The following SH3D19 variants were observed in gnomAD, a reference collection of about 807,000 sequenced individuals.
SH3D19 encodes SH3 domain-containing protein 19.
In SH3D19, 58 loss-of-function variants were observed where a neutral mutation model predicts 112.1. That is an observed-to-expected ratio of 0.52 (90% CI 0.42 to 0.64). The LOEUF (loss-of-function observed/expected upper bound fraction) is 0.64, where lower values mean the gene tolerates loss of function less well. Among genes scored for constraint, SH3D19 ranks in the 30% least tolerant of loss-of-function variants. The pLI, the probability that SH3D19 is intolerant of heterozygous loss-of-function variation, is 0.00. For missense variants in SH3D19, 1,090 were observed against 1,263.4 expected (o/e 0.86, Z 2.08); for synonymous variants, 391 against 448.5 (o/e 0.87, Z 1.62).
intron 1 of SH3D19, among the ~76,000 whole-genome samples, chr4:151,292,272 C>A (rs968075599): frequency 6.6e-6 from 1 of 150,884 alleles, no homozygotes; most frequent in Non-Finnish European, 1.5e-5. Flanking sequence ...GCACTCCAGA[C>A]TGGGCAACAG....
chr4:151,237,856 G>T (rs1391124238), intron 1 of SH3D19, among the ~76,000 whole-genome samples: 1 of 151,982 alleles, frequency 6.6e-6, no homozygotes, highest in African/African-American at 2.4e-5. Flanking sequence ...TTTTATTACT[G>T]GTCAAGAGGA....
intron 11 of SH3D19, among the ~76,000 whole-genome samples, chr4:151,146,536 TG>T (rs1163610676): frequency 6.6e-6 from 1 of 152,170 alleles, no homozygotes; most frequent in African/African-American, 2.4e-5. Flanking sequence ...TTGTTGTTGT[TG>T]TTGTTTTGTT....
chr4:151,190,689 G>T (rs191737803), intron 2 of SH3D19, among the ~76,000 whole-genome samples: 1 of 152,210 alleles, frequency 6.6e-6, no homozygotes, highest in Admixed American at 6.5e-5. Flanking sequence ...GATTTCAGGG[G>T]ATTTATGGAA....
intron 1 of SH3D19, among the ~76,000 whole-genome samples, chr4:151,257,656 G>A (rs1486879876): frequency 6.6e-6 from 1 of 152,056 alleles, no homozygotes; most frequent in Non-Finnish European, 1.5e-5. Context: ...GTGGCTCAAG[G>A]CTGTAATCCT....
intron 1 of SH3D19, among the ~76,000 whole-genome samples, chr4:151,288,209 C>T (rs1370769880): frequency 1.3e-5 from 2 of 152,120 alleles, no homozygotes; most frequent in African/African-American, 4.8e-5. Context: ...GCCATAAGGT[C>T]AGGAAAGAGA....
intron 19 of SH3D19, among the ~76,000 whole-genome samples, chr4:151,124,813 C>T (rs531045151): frequency 1.1e-4 from 16 of 152,126 alleles, no homozygotes; most frequent in African/African-American, 3.6e-4. Context: ...ACAACAATAA[C>T]AACAACAATT....
intron 1 of SH3D19, among the ~76,000 whole-genome samples, chr4:151,320,052 A>G (rs1236428484): frequency 6.6e-6 from 1 of 152,198 alleles, no homozygotes; most frequent in Non-Finnish European, 1.5e-5. Context: ...AATAATACCT[A>G]CCTCACAGGT....
At chr4:151,285,561 A>G (rs1284947055) in intron 1 of SH3D19, among the ~76,000 whole-genome samples, 2 of 152,222 alleles carry the variant, frequency 1.3e-5, no homozygotes, top group Admixed American at 1.3e-4. Context: ...AAGCAGCTAA[A>G]GCAGTGCTTA....
Position 151,148,191 on chromosome 4 carries a change from A to G in SH3D19, c.1818-5T>C. ...ATGGTTTTTCCATTCACAGGTCTGA[A>G]AGTCAATGTAGTAGCCATGAGTCAG... On this transcript the variant is annotated splice_polypyrimidine_tract_variant and splice_region_variant and intron_variant, in intron 10 of 19. Transcript: ENST00000604030. 1 of 1,593,048 alleles carries G rather than the reference A, an allele frequency of 6.3e-7. No homozygotes were observed. The highest frequency in any genetic ancestry group is 8.5e-7 in the Non-Finnish European group (1 of 1,172,362).
At chr4:151,319,877 C>G (rs577362326) in intron 1 of SH3D19, among the ~76,000 whole-genome samples, 1 of 152,336 alleles carries the variant, frequency 6.6e-6, no homozygotes, top group South Asian at 2.1e-4. Flanking sequence ...TCAATAGTAA[C>G]TGACTTATAT....
At chr4:151,237,843 C>T (rs1194901211) in intron 1 of SH3D19, among the ~76,000 whole-genome samples, 2 of 152,058 alleles carry the variant, frequency 1.3e-5, no homozygotes, top group Admixed American at 6.5e-5. Flanking sequence ...CAGGATTTTT[C>T]TTTTTTATTA....
At chr4:151,206,430 C>T (rs948118483) in intron 2 of SH3D19, among the ~76,000 whole-genome samples, 2 of 152,172 alleles carry the variant, frequency 1.3e-5, no homozygotes, top group African/African-American at 4.8e-5. Context: ...ACAAGCAATA[C>T]ACTTCCCTCT....
chr4:151,261,729 T>C (rs542434215), intron 1 of SH3D19, among the ~76,000 whole-genome samples: 36 of 152,368 alleles, frequency 2.4e-4, no homozygotes, highest in African/African-American at 7.5e-4. Flanking sequence ...TATTGATACC[T>C]GCTTTTGTTC....
At chr4:151,170,931 C>T (rs2149817427) in intron 7 of SH3D19, 1 of 152,268 alleles carries the variant, frequency 6.6e-6, no homozygotes, top group East Asian at 1.9e-4. Context: ...TTAACACAAA[C>T]AATAGCTAAA....
intron 10 of SH3D19, 90 bp from the exon 11 acceptor site, chr4:151,148,276 C>G (rs374460189): frequency 2.8e-4 from 178 of 638,574 alleles, no homozygotes; most frequent in Non-Finnish European, 3.6e-4. Flanking sequence ...CACACACACA[C>G]ACACACACAC....
At chr4:151,293,366 G>A (rs1057227560) in intron 1 of SH3D19, among the ~76,000 whole-genome samples, 12 of 150,616 alleles carry the variant, frequency 8.0e-5, no homozygotes, top group East Asian at 2.0e-4. Flanking sequence ...CCAGCTACTC[G>A]GGAGGCTGAG....
chr4:151,238,240 T>C (rs1770279815), intron 1 of SH3D19, among the ~76,000 whole-genome samples: 1 of 151,854 alleles, frequency 6.6e-6, no homozygotes, highest in Non-Finnish European at 1.5e-5. Context: ...AAGAGTGGCA[T>C]AAAGAAAGGA....
chr4:151,163,975 A>G (rs1368004429), intron 8 of SH3D19, among the ~76,000 whole-genome samples: 4 of 152,224 alleles, frequency 2.6e-5, no homozygotes, highest in Non-Finnish European at 5.9e-5. Flanking sequence ...TTGATACCTT[A>G]GATTTTTTTC....
intron 1 of SH3D19, among the ~76,000 whole-genome samples, chr4:151,251,011 C>G (rs1233394666): frequency 1.3e-5 from 2 of 152,062 alleles, no homozygotes; most frequent in Admixed American, 6.6e-5. Flanking sequence ...CCTCACCTAT[C>G]CCTCCTCCAT....
Sources: gnomAD v4.1 joint callset for allele counts (sites outside exome capture counted in the v4.1 genomes callset) on GRCh38, gnomAD v4.1.1 for gene constraint, MANE v1.5 for transcripts, NCBI Gene and HGNC (gene_info 2026-07-23, HGNC 2026-07-21) for gene names.